Variants in HSPG2 observed in about 807,000 individuals in gnomAD.
HSPG2 encodes the protein heparan sulfate proteoglycan 2, also known as basement membrane-specific heparan sulfate proteoglycan core protein.
A neutral mutation model predicts 526.6 loss-of-function variants in HSPG2; 278 were observed. The ratio of observed to expected loss-of-function variants is 0.53; its 90% CI spans 0.48 to 0.58. HSPG2 has a LOEUF of 0.58. Ranked by LOEUF, HSPG2 falls within the 20% of genes least tolerant of loss-of-function variation. The probability of loss-of-function intolerance (pLI) is 0.00; values close to 1 mark genes in which losing one functional copy is unlikely to be tolerated. For missense variants in HSPG2, 5,354 were observed against 6,099.5 expected, an observed-to-expected ratio of 0.88 and a Z score of 4.07; for synonymous variants, 2,465 against 2,555.4, an observed-to-expected ratio of 0.96 and a Z score of 1.07.
In HSPG2 at chr1:21,880,697, G is replaced by A. The variant is rs751390799; in HGVS notation, c.1957C>T (p.Gln653Ter). The change falls in exon 15 of 97, where the codon CAA (glutamine) becomes TAA (stop). Residue 653 changes from glutamine to a stop codon, truncating the protein, a stop_gained. Coordinates refer to ENST00000374695, the MANE Select transcript of HSPG2 (RefSeq NM_005529.7). LOFTEE classifies it high-confidence loss of function. ...TGGCGCTGGTTCAGAGCACCAGGTT[G>A]GGTGGGTGTGTGGCCTCGGGAGAGG... ...RLLSRGHTPTQPGALNQRQVQ... is the reference protein window; with the variant it reads ...RLLSRGHTPT 6.3e-7 allele frequency: 1 copy of A among 1,599,918 alleles called. No homozygotes were observed. The highest frequency in any genetic ancestry group is 2.3e-5 in the East Asian group (1 of 44,264).
At chr1:21,919,122 G>A (rs1215567322) in intron 1 of HSPG2, among the ~76,000 whole-genome samples, 3 of 152,242 alleles carry the variant, frequency 2.0e-5, no homozygotes, top group Non-Finnish European at 4.4e-5. Context: ...GGAAACAAGA[G>A]AGTCTGATTA....
rs1163221898 is a variant in HSPG2, at chr1:21,858,666, C to T, written c.5293+900G>A. Among the ~76,000 whole-genome samples the T allele has an allele frequency of 1.3e-5, 2 of 152,250 alleles. No individual in the cohort carries two copies. The highest frequency in any genetic ancestry group is 2.9e-5 in the Non-Finnish European group (2 of 68,048). On this transcript the variant is annotated intron_variant, in intron 42 of 96. Coordinates refer to ENST00000374695, the MANE Select transcript of HSPG2 (RefSeq NM_005529.7). The surrounding 1 kb of genome is among the most constrained non-coding windows in gnomAD (Gnocchi z 4.2). ...GCCTGTGCTGCTGGTGGCCTAGCCACGCTTCCCACCCCCCGTGCCCACCTG... is the reference window on the plus strand; with the variant it reads ...GCCTGTGCTGCTGGTGGCCTAGCCATGCTTCCCACCCCCCGTGCCCACCTG...
Position 21,875,974 on chromosome 1 carries a change from C to T in HSPG2, c.3072G>A (p.Leu1024=), listed in dbSNP as rs1384882614. ...GCAGCACCACCAACGGCTGCCCGTGCAGGGGTGTGGAGCCCGGCTGGGACC... is the reference window on the plus strand; with the variant it reads ...GCAGCACCACCAACGGCTGCCCGTGTAGGGGTGTGGAGCCCGGCTGGGACC... ...TQRSQPGSTP[L]HGQPLVVLQG... Residue 1024 remains leucine, a synonymous_variant, in exon 24 of 97, where the codon CTG becomes CTA. Coordinates refer to ENST00000374695, the MANE Select transcript of HSPG2 (RefSeq NM_005529.7). 6.2e-7 allele frequency: 1 copy of T among 1,614,096 alleles called. No homozygotes were observed. The highest frequency in any genetic ancestry group is 1.3e-5 in the African/African-American group (1 of 74,950).
chr1:21,857,815 A>G (rs1349099872), intron 42 of HSPG2, among the ~76,000 whole-genome samples: 5 of 152,170 alleles, frequency 3.3e-5, no homozygotes, highest in Non-Finnish European at 7.3e-5. Flanking sequence ...TTATGGAGAA[A>G]ATAGAAACGA....
Position 21,824,442 on chromosome 1 carries a change from G to A in HSPG2, c.12745-66C>T, listed in dbSNP as rs2097963063. 1 of 1,603,394 alleles carries A rather than the reference G, an allele frequency of 6.2e-7. No homozygotes were observed. The highest frequency in any genetic ancestry group is 1.3e-5 in the African/African-American group (1 of 74,724). ...AGAGCAGAGGCTGCCGAGGCCAGGG[G>A]GCTCTGCTTTCCCCTCCCCCCACCA... On this transcript the variant is annotated intron_variant, in intron 93 of 96. Coordinates refer to ENST00000374695, the MANE Select transcript of HSPG2 (RefSeq NM_005529.7). This position sits in a 1 kb window ranked among gnomAD's most constrained non-coding sequence, Gnocchi z 5.9.
At chr1:21,903,180 A>G (rs1329683912) in intron 1 of HSPG2, among the ~76,000 whole-genome samples, 3 of 152,238 alleles carry the variant, frequency 2.0e-5, no homozygotes, top group Non-Finnish European at 4.4e-5. Flanking sequence ...CATTAATACG[A>G]CAGAGGCCAT....
At position 21,859,506 on chromosome 1, in the gene HSPG2, T is replaced by C. The variant is rs913844391; in HGVS notation, c.5293+60A>G. 2.0e-5 allele frequency: 27 copies of C among 1,325,590 alleles called. No individual in the cohort carries two copies. The highest frequency in any genetic ancestry group is 2.8e-5 in the Non-Finnish European group (26 of 941,208). 82.1% of individuals were successfully genotyped at this position (1,325,590 alleles called of 1,614,324 possible). A position where few individuals can be genotyped will look rare whatever the true frequency, so the allele number is the denominator to read the frequency against. The stretch of plus-strand genomic sequence containing the variant: ...GGTGAATGCACCATCTGCCTGAATC[T>C]GCAGCCTGCAGCCCAGCCCAGGACA... On this transcript the variant is annotated intron_variant, in intron 42 of 96. Transcript: ENST00000374695. This position sits in a 1 kb window ranked among gnomAD's most constrained non-coding sequence, Gnocchi z 5.3.
intron 74 of HSPG2, among the ~76,000 whole-genome samples, chr1:21,838,142 A>C (rs1185426303): frequency 2.7e-5 from 4 of 145,976 alleles, no homozygotes; most frequent in Admixed American, 6.7e-5. Context: ...TCTCAAAAAA[A>C]AAAAAAAAAA....
Position 21,888,711 on chromosome 1 carries a change from G to A in HSPG2, c.575-645C>T, listed in dbSNP as rs893811785. 4.4e-6 allele frequency: 6 copies of A among 1,365,096 alleles called. No individual in the cohort carries two copies. In the Admixed American group the frequency reaches 9.5e-5, roughly 22 times the overall value. The allele number at this position is 1,365,096 out of a possible 1,614,324, so 84.6% of individuals were successfully genotyped here. On this transcript the variant is annotated intron_variant, in intron 6 of 96. Coordinates refer to ENST00000374695, the MANE Select transcript of HSPG2 (RefSeq NM_005529.7). ...CCACAGCGGCCGGCGGGGGTGGGGG[G>A]GTCTGTGCTGGAAAGGAAGATGTGA...
chr1:21,895,868 G>A lies in HSPG2; in HGVS notation c.244+54C>T. On this transcript the variant is annotated intron_variant, in intron 3 of 96. Coordinates refer to ENST00000374695, the MANE Select transcript of HSPG2 (RefSeq NM_005529.7). This position sits in a 1 kb window ranked among gnomAD's most constrained non-coding sequence, Gnocchi z 4.1. ...GCCCTCAGCCCAGGAGACTGGCTCT[G>A]GGGCTTCCCTGGGGGACAGGAGGGA... The A allele has an allele frequency of 6.4e-7, 1 of 1,557,268 alleles. No individual in the cohort carries two copies. Among genetic ancestry groups the A allele is most frequent in the African/African-American group, 1.4e-5 (1 of 73,898 alleles).
rs1169942579 is a variant in HSPG2, at chr1:21,846,126, T to C, written c.8446A>G (p.Ser2816Gly). 1 of 1,612,900 alleles carries C rather than the reference T, an allele frequency of 6.2e-7. No individual in the cohort carries two copies. The highest frequency in any genetic ancestry group is 1.7e-5 in the Admixed American group (1 of 60,034). The change falls in exon 64 of 97, where the codon AGT becomes GGT. Residue 2816 changes from serine to glycine, a missense_variant. Physicochemically the swap from Ser to Gly is moderately conservative, Grantham distance 56 (BLOSUM62 0). Transcript: ENST00000374695. ...VLVTIEASGS[S>G]AVHVPAPGGA... ...CCCTCACCGGGGACGTGGACAGCACTTGAGCCAGAGGCTTCGATGGTGACC... is the reference window on the plus strand; with the variant it reads ...CCCTCACCGGGGACGTGGACAGCACCTGAGCCAGAGGCTTCGATGGTGACC...
At chr1:21,856,020 C>A in intron 44 of HSPG2, 108 bp from the exon 45 acceptor site, 1 of 1,456,394 alleles carries the variant, frequency 6.9e-7, no homozygotes, top group Non-Finnish European at 9.3e-7. Flanking sequence ...CCTCCACGGC[C>A]ATCTGTGCAC....
rs1222562706 is a variant in HSPG2, at chr1:21,850,075, T to G, written c.7412A>C (p.His2471Pro). 1 of 1,613,496 alleles carries G rather than the reference T, an allele frequency of 6.2e-7. No homozygotes were observed. Among genetic ancestry groups the G allele is most frequent in the Admixed American group, 1.7e-5 (1 of 60,030 alleles). ...AGQAHAQVTW[H>P]KRGGSLPARH... ...GGCCGGGAGGCTGCCCCCGCGCTTG[T>G]GCCACGTGACCTGGGCATGGGCCTG... Residue 2471 changes from histidine to proline, a missense_variant, in exon 57 of 97, where the codon CAC becomes CCC. Physicochemically the swap from His to Pro is moderately conservative, Grantham distance 77. Transcript: ENST00000374695.
rs891627525 is a variant in HSPG2, at chr1:21,869,658, G to A, written c.4221+2528C>T. 28 of 986,000 alleles carry A rather than the reference G, an allele frequency of 2.8e-5. No homozygotes were observed. In the Admixed American group the frequency reaches 8.6e-4, roughly 30 times the overall value. 61.1% of individuals were successfully genotyped at this position (986,000 alleles called of 1,614,324 possible). On this transcript the variant is annotated intron_variant, in intron 33 of 96. Transcript: ENST00000374695. ...CAGCATCCATCCGTCTCTGAGCCTCGTCCACCTGGGGGACCAGGAGCCGAA... is the reference window on the plus strand; with the variant it reads ...CAGCATCCATCCGTCTCTGAGCCTCATCCACCTGGGGGACCAGGAGCCGAA...
intron 1 of HSPG2, among the ~76,000 whole-genome samples, chr1:21,925,742 T>A (rs1461291903): frequency 6.6e-6 from 1 of 152,150 alleles, no homozygotes; most frequent in Non-Finnish European, 1.5e-5. Context: ...CCAGACTTCC[T>A]CTGTCTGGAC....
At chr1:21,908,710 A>G in intron 1 of HSPG2, 2 of 508,008 alleles carry the variant, frequency 3.9e-6, no homozygotes, top group South Asian at 3.0e-5. Context: ...ATCAACTTAA[A>G]CGACCCCAAA....
intron 33 of HSPG2, chr1:21,869,099 C>T (rs1038662014): frequency 1.7e-5 from 3 of 180,416 alleles, no homozygotes; most frequent in Non-Finnish European, 3.2e-5. Context: ...CAGAGCCCCC[C>T]ACTCCCACCC....
chr1:21,923,280 G>A (rs932876339), intron 1 of HSPG2, among the ~76,000 whole-genome samples: 8 of 151,940 alleles, frequency 5.3e-5, no homozygotes, highest in African/African-American at 1.5e-4. Context: ...AATGGCGGGC[G>A]CCTGTAATCC....
In HSPG2 at chr1:21,842,333, T is replaced by C. The variant is rs1363467992; in HGVS notation, c.8958A>G (p.Ser2986=). The part of the protein sequence containing the change: ...LRLHLVSPAD[S]GEYVCRAASG... ...TGGCTGCACGACACACATACTCGCCTGAGTCGGCAGGGGAGACGAGGTGGA... is the reference window on the plus strand; with the variant it reads ...TGGCTGCACGACACACATACTCGCCCGAGTCGGCAGGGGAGACGAGGTGGA... Residue 2986 remains serine, a synonymous_variant, in exon 68 of 97, where the codon TCA becomes TCG. Coordinates refer to ENST00000374695, the MANE Select transcript of HSPG2 (RefSeq NM_005529.7). 6.2e-7 allele frequency: 1 copy of C among 1,611,730 alleles called. No homozygotes were observed. Among genetic ancestry groups the C allele is most frequent in the East Asian group, 2.2e-5 (1 of 44,810 alleles).
Sources: allele counts gnomAD v4.1 joint callset (sites outside exome capture counted in the v4.1 genomes callset), GRCh38; gene constraint gnomAD v4.1.1; non-coding constraint Gnocchi (gnomAD v3.1); transcripts MANE v1.5; gene names NCBI Gene and HGNC (gene_info 2026-07-23, HGNC 2026-07-21).